Variants in CCDC91 observed in about 807,000 individuals in gnomAD.
CCDC91 encodes coiled-coil domain containing 91.
A neutral mutation model predicts 63.2 loss-of-function variants in CCDC91; 48 were observed. That is an observed-to-expected ratio of 0.76 (90% confidence interval 0.60 to 0.97). The LOEUF (loss-of-function observed/expected upper bound fraction) is 0.97. CCDC91 is among the 50% of genes least tolerant of loss of function. The pLI, the probability that CCDC91 is intolerant of heterozygous loss-of-function variation, is 0.00. For missense variants in CCDC91, 500 were observed against 494.6 expected, an observed-to-expected ratio of 1.01 and a Z score of -0.10; for synonymous variants, 167 against 165.8, an observed-to-expected ratio of 1.01 and a Z score of -0.06.
chr12:28,345,420 T>A lies in CCDC91; in HGVS notation c.577-17018T>A, dbSNP rs73083987. On this transcript the variant is annotated intron_variant, in intron 6 of 12. Transcript: ENST00000536442. ...TTAACAAGTTCCCTATATTGAACATTTAAGTGTTTTCTGACCTTTTACTAC... is the reference window on the plus strand; with the variant it reads ...TTAACAAGTTCCCTATATTGAACATATAAGTGTTTTCTGACCTTTTACTAC... 7.8e-3 allele frequency among the ~76,000 whole-genome samples: 1,191 copies of A among 152,198 alleles called. 5 individuals are homozygous for A. The highest frequency in any genetic ancestry group is 0.013 in the Non-Finnish European group (897 of 67,966).
At chr12:28,262,817 GA>G (rs1325969107) in intron 3 of CCDC91, among the ~76,000 whole-genome samples, 1 of 151,936 alleles carries the variant, frequency 6.6e-6, no homozygotes, top group African/African-American at 2.4e-5. Context: ...GAATGAATAT[GA>G]AATTATCAAG....
intron 5 of CCDC91, among the ~76,000 whole-genome samples, chr12:28,307,290 G>T (rs1420268729): frequency 6.6e-6 from 1 of 151,890 alleles, no homozygotes; most frequent in Non-Finnish European, 1.5e-5. Context: ...GGCATCACAG[G>T]ATATTTGACA....
chr12:28,505,201 C>T (rs1281527147), intron 12 of CCDC91, among the ~76,000 whole-genome samples: 6 of 151,694 alleles, frequency 4.0e-5, no homozygotes, highest in Admixed American at 1.3e-4. Flanking sequence ...ATTTGGGATG[C>T]GGGAAAACTA....
intron 1 of CCDC91, chr12:28,256,593 A>C (rs1296752678): frequency 1.3e-5 from 2 of 152,200 alleles, no homozygotes; most frequent in African/African-American, 4.8e-5. Context: ...TGTTTTTCTC[A>C]TCCCTCATCT....
intron 12 of CCDC91, among the ~76,000 whole-genome samples, chr12:28,499,229 G>A (rs1036850119): frequency 6.6e-6 from 1 of 151,540 alleles, no homozygotes; most frequent in Admixed American, 6.6e-5. Context: ...ATTCACAAAC[G>A]TAAAACCACC....
At chr12:28,404,697 G>A (rs75231137) in intron 8 of CCDC91, among the ~76,000 whole-genome samples, 1,984 of 152,112 alleles carry the variant, frequency 0.013, 50 homozygotes, top group African/African-American at 0.045. Context: ...TACATACTAA[G>A]TATTGCCATG....
chr12:28,267,918 TATTATA>T (rs1192918994), intron 3 of CCDC91, among the ~76,000 whole-genome samples: 25 of 95,888 alleles, frequency 2.6e-4, no homozygotes, highest in African/African-American at 1.1e-3. Context: ...TATATATAAT[TATTATA>T]ATTATATATA....
At chr12:28,298,695 C>T (rs1298470530) in intron 3 of CCDC91, among the ~76,000 whole-genome samples, 2 of 149,276 alleles carry the variant, frequency 1.3e-5, no homozygotes, top group Admixed American at 6.7e-5. Flanking sequence ...AACCACTGTC[C>T]TCCATTTTAT....
At chr12:28,526,838 A>C (rs1438595804) in intron 12 of CCDC91, among the ~76,000 whole-genome samples, 1 of 151,844 alleles carries the variant, frequency 6.6e-6, no homozygotes, top group African/African-American at 2.4e-5. Flanking sequence ...GGATTGGGTT[A>C]ATTTGAAAAC....
chr12:28,219,623 C>T (rs925092433), intron 1 of CCDC91, among the ~76,000 whole-genome samples: 46 of 152,058 alleles, frequency 3.0e-4, no homozygotes, highest in African/African-American at 1.1e-3. Flanking sequence ...AGGTGTCTGC[C>T]AGCACACCTG....
At chr12:28,523,527 C>A (rs2141479960) in intron 12 of CCDC91, among the ~76,000 whole-genome samples, 1 of 152,178 alleles carries the variant, frequency 6.6e-6, no homozygotes, top group East Asian at 1.9e-4. Flanking sequence ...ACTCTTTATC[C>A]AATTTGCCAG....
rs373325993 is a variant in CCDC91 at position 28,549,176 on chromosome 12, A to G, written c.*3A>G. 53 of 1,536,698 alleles carry G rather than the reference A, an allele frequency of 3.4e-5. No homozygotes were observed. The highest frequency in any genetic ancestry group is 1.7e-4 in the Middle Eastern group (1 of 5,942). Reference sequence around the variant, plus strand: ...CGGAACCAGTTGACATTGAATAAAAAGAACATGACAAACCCACACTGGCAT... The same window carrying G: ...CGGAACCAGTTGACATTGAATAAAAGGAACATGACAAACCCACACTGGCAT... On this transcript the variant is annotated 3_prime_UTR_variant, in exon 13 of 13. Coordinates refer to ENST00000536442, the MANE Select transcript of CCDC91 (RefSeq NM_018318.5).
chr12:28,258,237 TATTTA>T (rs139193858), intron 2 of CCDC91, among the ~76,000 whole-genome samples: 1,840 of 152,162 alleles, frequency 0.012, 11 homozygotes, highest in Middle Eastern at 0.017. Flanking sequence ...GATTGAATCT[TATTTA>T]TGTTACTGAA....
intron 12 of CCDC91, among the ~76,000 whole-genome samples, chr12:28,501,558 C>A (rs1010671630): frequency 6.6e-6 from 1 of 151,584 alleles, no homozygotes; most frequent in Non-Finnish European, 1.5e-5. Context: ...GGATGAAGCC[C>A]ACTTGATCAT....
intron 11 of CCDC91, among the ~76,000 whole-genome samples, chr12:28,453,611 A>G (rs543604243): frequency 2.6e-5 from 4 of 152,146 alleles, no homozygotes; most frequent in East Asian, 1.9e-4. Context: ...GGTACCATCT[A>G]TGTTAAAATA....
Position 28,549,229 on chromosome 12 carries a change from T to TA in CCDC91, c.*57dup. The TA allele has an allele frequency of 1.1e-6, 1 of 908,804 alleles. No homozygotes were observed. The highest frequency in any genetic ancestry group is 1.8e-6 in the Non-Finnish European group (1 of 546,684). 56.3% of individuals were successfully genotyped at this position (908,804 alleles called of 1,614,324 possible). On this transcript the variant is annotated 3_prime_UTR_variant, in exon 13 of 13. Transcript: ENST00000536442. ...GATAAATCATATTACACCTTCAAAA[T>TA]ACACACTCTGAATTATAAAGATGTG...
intron 8 of CCDC91, among the ~76,000 whole-genome samples, chr12:28,415,388 T>C (rs1947584480): frequency 6.6e-6 from 1 of 152,136 alleles, no homozygotes; most frequent in South Asian, 2.1e-4. Flanking sequence ...CGTGCCCGGC[T>C]AATTTTTTAT....
At chr12:28,420,398 A>G (rs918102368) in intron 8 of CCDC91, among the ~76,000 whole-genome samples, 1 of 152,166 alleles carries the variant, frequency 6.6e-6, no homozygotes, top group Non-Finnish European at 1.5e-5. Context: ...AGAAATGTGA[A>G]TAATTCTTTT....
chr12:28,213,340 C>T (rs1166337589), intron 1 of CCDC91, among the ~76,000 whole-genome samples: 1 of 152,112 alleles, frequency 6.6e-6, no homozygotes, highest in Admixed American at 6.5e-5. Flanking sequence ...AAAGTGTGAC[C>T]CATGAAGACA....
Sources: allele counts gnomAD v4.1 joint callset (sites outside exome capture counted in the v4.1 genomes callset), GRCh38; gene constraint gnomAD v4.1.1; transcripts MANE v1.5; gene names NCBI Gene and HGNC (gene_info 2026-07-23, HGNC 2026-07-21).